CLEC12A: variants seen among roughly 807,000 people sequenced by gnomAD.
CLEC12A encodes the protein C-type lectin domain family 12 member A.
In CLEC12A, 22 loss-of-function variants were observed where a neutral mutation model predicts 26.5. The observed-to-expected ratio is 0.83, with a 90% CI of 0.59 to 1.19. The LOEUF (loss-of-function observed/expected upper bound fraction) is 1.19, where lower values mean the gene tolerates loss of function less well. CLEC12A is among the 50% of genes most tolerant of loss of function. The probability of loss-of-function intolerance (pLI) is 0.00; values close to 1 mark genes in which losing one functional copy is unlikely to be tolerated. For missense variants in CLEC12A, 353 were observed against 315.6 expected, an observed-to-expected ratio of 1.12 and a Z score of -0.90; for synonymous variants, 119 against 101.9, an observed-to-expected ratio of 1.17 and a Z score of -1.01.
At chr12:9,957,381 A>G (rs61913523) in intron 1 of CLEC12A, among the ~76,000 whole-genome samples, 47,581 of 151,590 alleles carry the variant, frequency 0.31, 7,902 homozygotes, top group East Asian at 0.47. Flanking sequence ...CCAGCTACTC[A>G]GGAGGCTGAG....
chr12:10,004,740 G>A, the CLEC12A span, among the ~76,000 whole-genome samples: 1,031 of 152,078 alleles, frequency 6.8e-3, 16 homozygotes, highest in African/African-American at 0.022. Context: ...GGTGGGGCAC[G>A]TGCCAGGGAA....
intron 1 of CLEC12A, among the ~76,000 whole-genome samples, chr12:9,976,046 A>G (rs1864322495): frequency 2.0e-5 from 3 of 152,208 alleles, no homozygotes. Context: ...CAGAGGATGT[A>G]TGGAAATGCC....
chr12:9,962,661 G>A (rs978081887), intron 1 of CLEC12A, among the ~76,000 whole-genome samples: 1 of 152,144 alleles, frequency 6.6e-6, no homozygotes, highest in Non-Finnish European at 1.5e-5. Flanking sequence ...CAGTGGGGGA[G>A]CTTTTGAGCC....
At chr12:9,988,497 A>T (rs866088954), downstream of CLEC12A, among the ~76,000 whole-genome samples, 3 of 152,192 alleles carry the variant, frequency 2.0e-5, no homozygotes, top group African/African-American at 4.8e-5. Context: ...GAATCTACGA[A>T]GAACTCAAAC....
chr12:9,981,833 T>C (rs1400591126), intron 4 of CLEC12A, among the ~76,000 whole-genome samples, 187 bp from the exon 5 acceptor site: 1 of 152,178 alleles, frequency 6.6e-6, no homozygotes, highest in Non-Finnish European at 1.5e-5. Context: ...AGCAATGATA[T>C]TGTTAAAAAT....
intron 1 of CLEC12A, among the ~76,000 whole-genome samples, chr12:9,960,054 A>G (rs1457845119): frequency 6.6e-6 from 1 of 152,214 alleles, no homozygotes; most frequent in African/African-American, 2.4e-5. Context: ...CAGGCTGAAG[A>G]CTAGCTGCAA....
chr12:9,966,286 G>A (rs1259958921), intron 1 of CLEC12A, among the ~76,000 whole-genome samples: 1 of 152,212 alleles, frequency 6.6e-6, no homozygotes, highest in Non-Finnish European at 1.5e-5. Flanking sequence ...TAGAGTGTCT[G>A]TGATGGTCCT....
At chr12:9,997,238 G>C (rs548647712), downstream of CLEC12A, 34 of 1,612,894 alleles carry the variant, frequency 2.1e-5, no homozygotes, top group African/African-American at 3.9e-4. Flanking sequence ...GTTCCTGTGC[G>C]ATTTTCATTC....
chr12:9,967,168 G>A (rs1863979300), upstream of CLEC12A, among the ~76,000 whole-genome samples: 1 of 151,858 alleles, frequency 6.6e-6, no homozygotes. Flanking sequence ...ACATGGGTTT[G>A]TAGAAAAGGA....
chr12:9,970,842 G>C (rs553930002), upstream of CLEC12A, among the ~76,000 whole-genome samples: 1 of 152,080 alleles, frequency 6.6e-6, no homozygotes, highest in Admixed American at 6.5e-5. Context: ...ATAGGTTGGC[G>C]CTAAAGTAAT....
At chr12:9,986,417 C>G (rs558042361), downstream of CLEC12A, among the ~76,000 whole-genome samples, 133 of 134,402 alleles carry the variant, frequency 9.9e-4, 3 homozygotes, top group East Asian at 3.1e-3. Flanking sequence ...TCCTTTATCC[C>G]CCCCCCCCTT....
At chr12:9,999,177 A>G (rs1444674940), downstream of CLEC12A, 9 of 917,986 alleles carry the variant, frequency 9.8e-6, no homozygotes, top group East Asian at 2.5e-5. Context: ...CAATTTCAGT[A>G]TCTGTCAGTT....
chr12:9,995,070 G>A, exon 5 of CLEC12A: 1 of 1,599,728 alleles, frequency 6.3e-7, no homozygotes, highest in Non-Finnish European at 8.5e-7. Context: ...GACTTGGACT[G>A]AGAGAAGAGG....
Position 9,979,067 on chromosome 12 carries a change from A to G in CLEC12A, c.190+3A>G. The G allele has an allele frequency of 1.9e-6, 3 of 1,607,098 alleles. No homozygotes were observed. The highest frequency in any genetic ancestry group is 2.6e-6 in the Non-Finnish European group (3 of 1,173,766). On this transcript the variant is annotated splice_donor_region_variant and intron_variant, in intron 2 of 5. Transcript: ENST00000304361. Reference sequence around the variant, plus strand: ...ATTGGGAGTCTTGGCAAGCATGTGTATGTACTGCCCCTGTTTTTGTCAAGA... The same window carrying G: ...ATTGGGAGTCTTGGCAAGCATGTGTGTGTACTGCCCCTGTTTTTGTCAAGA...
chr12:9,965,854 G>A (rs1398423595), intron 1 of CLEC12A, among the ~76,000 whole-genome samples: 3 of 152,112 alleles, frequency 2.0e-5, no homozygotes, highest in South Asian at 2.1e-4. Context: ...GGTTTTAATG[G>A]GATGGTAAGG....
intron 1 of CLEC12A, among the ~76,000 whole-genome samples, chr12:9,960,828 C>G (rs918480540): frequency 1.3e-5 from 2 of 152,150 alleles, no homozygotes; most frequent in African/African-American, 4.8e-5. Context: ...ATCAGAGCAC[C>G]ACACCCAGGC....
intron 1 of CLEC12A, among the ~76,000 whole-genome samples, chr12:9,962,374 T>G (rs1863847878): frequency 6.6e-6 from 1 of 152,018 alleles, no homozygotes; most frequent in African/African-American, 2.4e-5. Context: ...GTCTCCAAAT[T>G]TTTATCCCTG....
In CLEC12A at chr12:9,962,031, A is replaced by G. The variant is rs572852311; in HGVS notation, c.11-9546A>G. Among the ~76,000 whole-genome samples the G allele has an allele frequency of 3.9e-5, 6 of 152,220 alleles. No homozygotes were observed. The East Asian group carries it at 1.2e-3, about 29-fold the overall frequency. ...ATATGGAGTTGTTCTCGCTGAGTGT[A>G]CCTCCAGGGAGGCAGCCTTCATCAG... On this transcript the variant is annotated intron_variant, in intron 1 of 6. Coordinates refer to the CLEC12A transcript ENST00000355690.
At chr12:9,969,398 T>A (rs1391983587), upstream of CLEC12A, among the ~76,000 whole-genome samples, 2 of 152,176 alleles carry the variant, frequency 1.3e-5, no homozygotes, top group African/African-American at 2.4e-5. Context: ...ACAAAATTTT[T>A]AAAAAACTGA....
Sources: allele counts gnomAD v4.1 joint callset (sites outside exome capture counted in the v4.1 genomes callset), GRCh38; gene constraint gnomAD v4.1.1; transcripts MANE v1.5; gene names NCBI Gene and HGNC (gene_info 2026-07-23, HGNC 2026-07-21).